The following COL23A1 variants were observed in gnomAD, a reference collection of about 807,000 sequenced individuals.
The protein encoded by COL23A1 is collagen alpha-1(XXIII) chain.
A neutral mutation model predicts 99.3 loss-of-function variants in COL23A1; 97 were observed. That is an observed-to-expected ratio of 0.98 (90% CI 0.83 to 1.16). COL23A1 has a LOEUF of 1.16. Among genes scored for constraint, COL23A1 ranks in the 50% most tolerant of loss-of-function variants. The probability of loss-of-function intolerance (pLI) is 0.00; values close to 1 mark genes in which losing one functional copy is unlikely to be tolerated. For synonymous variants in COL23A1, 320 were observed against 308.2 expected (o/e 1.04, Z -0.40); for missense variants, 762 against 757.4 (o/e 1.01, Z -0.07).
intron 8 of COL23A1, among the ~76,000 whole-genome samples, chr5:178,265,198 T>G (rs1755811936): frequency 6.6e-6 from 1 of 152,104 alleles, no homozygotes. Flanking sequence ...CTTTCCCAAT[T>G]AAAAAATCAG....
rs575645271 is a variant in COL23A1 at position 178,589,769 on chromosome 5, G to C, written c.294+135C>G. On this transcript the variant is annotated intron_variant, in intron 1 of 28. Transcript: ENST00000390654. The surrounding 1 kb of genome is among the most constrained non-coding windows in gnomAD (Gnocchi z 5.4). ...CTTGGCGCAGACGTGCCCATCTCTG[G>C]GACGGCCCCGAGCGCACGCAGCCGG... The C allele has an allele frequency of 1.3e-4, 118 of 901,492 alleles. 1 individual carries two copies. In the South Asian group the frequency reaches 4.9e-3, roughly 38 times the overall value. The allele number at this position is 901,492 out of a possible 1,614,324, so 55.8% of individuals were successfully genotyped here. A position where few individuals can be genotyped will look rare whatever the true frequency, so the allele number is the denominator to read the frequency against.
chr5:178,289,407 C>T (rs1757330492), intron 4 of COL23A1, among the ~76,000 whole-genome samples: 1 of 152,188 alleles, frequency 6.6e-6, no homozygotes, highest in Admixed American at 6.5e-5. Context: ...GCATTCAAAC[C>T]TGCCTCTGGC....
chr5:178,281,391 G>A lies in COL23A1; in HGVS notation c.441+6933C>T, dbSNP rs907454569. ...TTCATTTCAAAATTGGTCCCAGGCC[G>A]AGGCCCCGTCTCACAGACCACATTT... On this transcript the variant is annotated intron_variant, in intron 5 of 28. Transcript: ENST00000390654. This position sits in a 1 kb window ranked among gnomAD's most constrained non-coding sequence, Gnocchi z 4.0. 6.6e-6 allele frequency among the ~76,000 whole-genome samples: 1 copy of A among 152,218 alleles called. No individual in the cohort carries two copies. Among genetic ancestry groups the A allele is most frequent in the Non-Finnish European group, 1.5e-5 (1 of 68,014 alleles).
At chr5:178,523,157 T>TATAGAC (rs1466161214) in intron 2 of COL23A1, among the ~76,000 whole-genome samples, 1 of 76,088 alleles carries the variant, frequency 1.3e-5, no homozygotes, top group Non-Finnish European at 3.1e-5. Context: ...TATATATATA[T>TATAGAC]ATATACATAT....
intron 18 of COL23A1, among the ~76,000 whole-genome samples, chr5:178,249,716 A>ACACACACACACACACT: frequency 9.7e-5 from 9 of 92,752 alleles, no homozygotes; most frequent in African/African-American, 3.4e-4. Context: ...ACACACACAC[A>ACACACACACACACACT]CTCTCTCTCT....
Position 178,552,922 on chromosome 5 carries a change from A to C in COL23A1, c.361+7760T>G, listed in dbSNP as rs150477980. The stretch of plus-strand genomic sequence containing the variant: ...AGAGGATTTCACCATGTTGGCCAGG[A>C]TGGTCTTGATCTTCTGACCTTGTGA... On this transcript the variant is annotated intron_variant, in intron 2 of 28. Transcript: ENST00000390654. Among the ~76,000 whole-genome samples the C allele has an allele frequency of 5.1e-3, 770 of 151,522 alleles. 4 individuals are homozygous for C. Among genetic ancestry groups the C allele is most frequent in the East Asian group, 0.016 (81 of 5,050 alleles).
rs200928388 is a variant in COL23A1 at position 178,358,228 on chromosome 5, GTGTATGTGTGTATGTGTA to G, written c.362-51327_362-51310del. 5.1e-4 allele frequency among the ~76,000 whole-genome samples: 31 copies of G among 60,498 alleles called. 1 individual carries two copies. The South Asian group carries it at 0.023, about 45-fold the overall frequency. The allele number at this position is 60,498 out of a possible 152,430, so 39.7% of individuals were successfully genotyped here. ...GTACGTGTGTATGTGTGTCTAATGT[GTGTATGTGTGTATGTGTA>G]TGTGTGTGTATGTATATGTGTGTAT... On this transcript the variant is annotated intron_variant, in intron 2 of 28. Transcript: ENST00000390654.
chr5:178,451,558 G>A (rs1222063110), intron 2 of COL23A1, among the ~76,000 whole-genome samples: 1 of 150,994 alleles, frequency 6.6e-6, no homozygotes, highest in African/African-American at 2.4e-5. Flanking sequence ...TCGGGGGCCT[G>A]AGGCAGGAAA....
At position 178,256,412 on chromosome 5, in the gene COL23A1, AT is replaced by A. The variant is rs886882169; in HGVS notation, c.838-16del. ...CCAGGCTCCCCCTGTGGAGACATGC[AT>A]TTGCAGCCAGAGGTGCAGCTGTGAA... On this transcript the variant is annotated splice_polypyrimidine_tract_variant and intron_variant, in intron 14 of 28. Transcript: ENST00000390654. The A allele has an allele frequency of 1.7e-5, 28 of 1,602,550 alleles. No individual in the cohort carries two copies. The highest frequency in any genetic ancestry group is 1.7e-4 in the Middle Eastern group (1 of 5,728).
chr5:178,357,780 GTGTA>G lies in COL23A1; in HGVS notation c.362-50865_362-50862del, dbSNP rs1374316364. ...TGTGTACGTGTATGTATGTGTGTATGTGTATGTGTGTGTGTATGTGTGTGTGTAT... is the reference window on the plus strand; with the variant it reads ...TGTGTACGTGTATGTATGTGTGTATGTGTGTGTGTGTATGTGTGTGTGTAT... On this transcript the variant is annotated intron_variant, in intron 2 of 28. Transcript: ENST00000390654. Among the ~76,000 whole-genome samples the G allele has an allele frequency of 4.0e-4, 56 of 140,334 alleles. 1 individual carries two copies. The highest frequency in any genetic ancestry group is 2.3e-3 in the East Asian group (11 of 4,824). 92.1% of individuals were successfully genotyped at this position (140,334 alleles called of 152,430 possible). A position where few individuals can be genotyped will look rare whatever the true frequency, so the allele number is the denominator to read the frequency against.
intron 18 of COL23A1, among the ~76,000 whole-genome samples, chr5:178,249,716 A>ACACACACACACACTCACTCTCT: frequency 2.7e-4 from 25 of 92,808 alleles, no homozygotes; most frequent in Admixed American, 9.7e-4. Context: ...ACACACACAC[A>ACACACACACACACTCACTCTCT]CTCTCTCTCT....
chr5:178,487,288 T>TTTTTTTTTTTAA (rs773272887), intron 2 of COL23A1, among the ~76,000 whole-genome samples: 12 of 116,460 alleles, frequency 1.0e-4, no homozygotes, highest in African/African-American at 3.6e-4. Flanking sequence ...CCAGCCTCAG[T>TTTTTTTTTTTAA]TTTATTTATT....
chr5:178,547,599 CCA>C (rs137877653), intron 2 of COL23A1, among the ~76,000 whole-genome samples: 151 of 7,996 alleles, frequency 0.019, 6 homozygotes, highest in African/African-American at 0.039. Context: ...CCACAACCAC[CCA>C]CACACACACC....
At position 178,246,435 on chromosome 5, in the gene COL23A1, C is replaced by T. The variant is rs1269436715; in HGVS notation, c.1315G>A (p.Gly439Arg). The T allele has an allele frequency of 3.2e-6, 5 of 1,574,502 alleles. No homozygotes were observed. The highest frequency in any genetic ancestry group is 3.5e-6 in the Non-Finnish European group (4 of 1,159,054). The change falls in exon 23 of 29, where the codon GGA becomes AGA. Residue 439 changes from glycine (G) to arginine (R), a missense_variant. Gly to Arg is a moderately radical substitution (Grantham distance 125). Coordinates refer to ENST00000390654, the MANE Select transcript of COL23A1 (RefSeq NM_173465.4). ...CTCTCACCCGACGCACCCTTCTCTC[C>T]CTTTGCTCCATCCAAGCCCTGGAGG... The part of the protein sequence containing the change: ...QGPKGLDGAK[G>R]EKGASGERGP...
chr5:178,263,343 G>A lies in COL23A1; in HGVS notation c.523-19C>T. ...GGTCTCCCTGAAAGAGATGGGGCTT[G>A]GCATGACTCTGAGGGGGAGGGGGTC... is the stretch of plus-strand genomic sequence containing the variant. On this transcript the variant is annotated intron_variant, in intron 8 of 28. Transcript: ENST00000390654. 2 of 1,489,268 alleles carry A rather than the reference G, an allele frequency of 1.3e-6. No individual in the cohort carries two copies. The highest frequency in any genetic ancestry group is 1.8e-6 in the Non-Finnish European group (2 of 1,090,528). 92.3% of individuals were successfully genotyped at this position (1,489,268 alleles called of 1,614,324 possible).
intron 2 of COL23A1, among the ~76,000 whole-genome samples, chr5:178,359,162 C>G (rs1312806701): frequency 1.3e-5 from 2 of 152,206 alleles, no homozygotes; most frequent in Non-Finnish European, 2.9e-5. Context: ...CTGGGCAAGT[C>G]ATTTAACCTC....
At chr5:178,356,473 A>G (rs1761659460) in intron 2 of COL23A1, among the ~76,000 whole-genome samples, 1 of 152,202 alleles carries the variant, frequency 6.6e-6, no homozygotes, top group African/African-American at 2.4e-5. Flanking sequence ...GAGAACCAGA[A>G]GACACCAGGA....
chr5:178,546,011 C>T (rs1761557067), intron 2 of COL23A1, among the ~76,000 whole-genome samples: 1 of 152,078 alleles, frequency 6.6e-6, no homozygotes, highest in Admixed American at 6.5e-5. Context: ...GCATCCAAAC[C>T]CTGACACCCC....
rs1764174331 is a variant in COL23A1 at position 178,589,811 on chromosome 5, C to G, written c.294+93G>C. The G allele has an allele frequency of 2.6e-6, 3 of 1,163,728 alleles. No homozygotes were observed. Among genetic ancestry groups the G allele is most frequent in the South Asian group, 7.1e-5 (2 of 28,256 alleles). The allele number at this position is 1,163,728 out of a possible 1,614,324, so 72.1% of individuals were successfully genotyped here. On this transcript the variant is annotated intron_variant, in intron 1 of 28. Transcript: ENST00000390654. This position sits in a 1 kb window ranked among gnomAD's most constrained non-coding sequence, Gnocchi z 5.4. ...CGCAGCCGGCGGGCGACCCTCCTCC[C>G]AGAGACCTGCACGCTGCCCCCGGCT...
Sources: allele counts gnomAD v4.1 joint callset (sites outside exome capture counted in the v4.1 genomes callset), GRCh38; gene constraint gnomAD v4.1.1; non-coding constraint Gnocchi (gnomAD v3.1); transcripts MANE v1.5; gene names NCBI Gene and HGNC (gene_info 2026-07-23, HGNC 2026-07-21).